Variants in KCNMB2 observed in about 807,000 individuals in gnomAD.
KCNMB2 encodes potassium calcium-activated channel subfamily M regulatory beta subunit 2, also known as calcium-activated potassium channel subunit beta-2.
In KCNMB2, 9 loss-of-function variants were observed where a neutral mutation model predicts 24.5. The ratio of observed to expected loss-of-function variants is 0.37; its 90% CI spans 0.22 to 0.64. The LOEUF (loss-of-function observed/expected upper bound fraction) is 0.64, where lower values mean the gene tolerates loss of function less well. KCNMB2 is among the 30% of genes least tolerant of loss of function. The pLI is 0.63. For synonymous variants in KCNMB2, 109 were observed against 104.4 expected (o/e 1.04, Z -0.27); for missense variants, 226 against 284.3 (o/e 0.79, Z 1.47).
chr3:178,551,612 T>C (rs1000706105), intron 1 of KCNMB2, among the ~76,000 whole-genome samples: 7 of 152,246 alleles, frequency 4.6e-5, no homozygotes, highest in Non-Finnish European at 1.0e-4. Flanking sequence ...ATCCACAATG[T>C]TGCACAACAT....
chr3:178,759,662 G>GA (rs1711628515), intron 1 of KCNMB2, among the ~76,000 whole-genome samples: 5 of 62,834 alleles, frequency 8.0e-5, no homozygotes, highest in Non-Finnish European at 1.6e-4. Context: ...TCTCCAAGAG[G>GA]GATATATATA....
chr3:178,781,659 G>A lies in KCNMB2; in HGVS notation c.-67-25684G>A, dbSNP rs183245182. ...TATGTATATAGTAAGCAAAGGTTTG[G>A]TGACTGCTGGGATCTGGGATGAGGG... On this transcript the variant is annotated intron_variant, in intron 1 of 4. Coordinates refer to ENST00000452583, the MANE Select transcript of KCNMB2 (RefSeq NM_181361.3). Among the ~76,000 whole-genome samples, 357 of 151,768 alleles carry A rather than the reference G, an allele frequency of 2.4e-3. 3 individuals are homozygous for A. Among genetic ancestry groups the A allele is most frequent in the Non-Finnish European group, 4.2e-3 (288 of 67,938 alleles).
intron 1 of KCNMB2, among the ~76,000 whole-genome samples, chr3:178,600,804 G>A (rs1718055135): frequency 6.6e-6 from 1 of 152,028 alleles, no homozygotes; most frequent in Admixed American, 6.6e-5. Flanking sequence ...TAACCCTTTG[G>A]GTATATACCC....
chr3:178,818,443 C>A (rs924954187), intron 2 of KCNMB2, among the ~76,000 whole-genome samples: 1 of 152,158 alleles, frequency 6.6e-6, no homozygotes, highest in Non-Finnish European at 1.5e-5. Context: ...TCCCCCAACA[C>A]GCCCCAGTAA....
At position 178,586,336 on chromosome 3, in the gene KCNMB2, A is replaced by G. The variant is rs185626776; in HGVS notation, c.-68+49625A>G. Among the ~76,000 whole-genome samples, 9 of 152,300 alleles carry G rather than the reference A, an allele frequency of 5.9e-5. No homozygotes were observed. The East Asian group carries it at 9.6e-4, about 16-fold the overall frequency. ...GTGATATGCCACTGGACAGGAAAAA[A>G]AAAGAAACAAGTAATTGTGGTAACA... On this transcript the variant is annotated intron_variant, in intron 1 of 4. Coordinates refer to ENST00000452583, the MANE Select transcript of KCNMB2 (RefSeq NM_181361.3).
intron 1 of KCNMB2, among the ~76,000 whole-genome samples, chr3:178,695,609 G>T (rs1721847582): frequency 6.6e-6 from 1 of 152,090 alleles, no homozygotes; most frequent in African/African-American, 2.4e-5. Context: ...AAATCCACCA[G>T]TCTCTTTGCT....
intron 1 of KCNMB2, among the ~76,000 whole-genome samples, chr3:178,620,189 T>C (rs1047352241): frequency 1.3e-5 from 2 of 152,176 alleles, no homozygotes; most frequent in South Asian, 4.1e-4. Context: ...GGACTTGTTA[T>C]GAACATACGA....
At position 178,844,419 on chromosome 3, in the gene KCNMB2, A is replaced by ATTT. The variant is rs1560044425; in HGVS notation, c.*1482_*1483insTTT. ...TCAAATGTGTAATTAAATTTTTTTAAAAAAAATCTATTAAATTGCAAGATT... is the reference window on the plus strand; with the variant it reads ...TCAAATGTGTAATTAAATTTTTTTAATTTAAAAAATCTATTAAATTGCAAGATT... On this transcript the variant is annotated 3_prime_UTR_variant, in exon 5 of 5. Transcript: ENST00000452583. 5.3e-5 allele frequency: 8 copies of ATTT among 151,906 alleles called. No homozygotes were observed. Among genetic ancestry groups the ATTT allele is most frequent in the South Asian group, 2.1e-4 (1 of 4,818 alleles). 9.4% of individuals were successfully genotyped at this position (151,906 alleles called of 1,614,324 possible).
intron 1 of KCNMB2, among the ~76,000 whole-genome samples, chr3:178,695,153 C>A (rs908195658): frequency 1.3e-5 from 2 of 152,256 alleles, no homozygotes; most frequent in Admixed American, 6.5e-5. Context: ...GGGGTTTGCA[C>A]CCTCTGAAGC....
chr3:178,709,553 A>G (rs1333379828), intron 1 of KCNMB2, among the ~76,000 whole-genome samples: 1 of 152,198 alleles, frequency 6.6e-6, no homozygotes, highest in Non-Finnish European at 1.5e-5. Flanking sequence ...TGTTTTATAT[A>G]CAGTACGATT....
chr3:178,595,746 T>C (rs1410156852), intron 1 of KCNMB2, among the ~76,000 whole-genome samples: 1 of 152,156 alleles, frequency 6.6e-6, no homozygotes, highest in Non-Finnish European at 1.5e-5. Flanking sequence ...ACCTCTTTCC[T>C]TTATAAATTA....
intron 1 of KCNMB2, among the ~76,000 whole-genome samples, chr3:178,652,374 G>A (rs1720155208): frequency 6.6e-6 from 1 of 151,984 alleles, no homozygotes; most frequent in African/African-American, 2.4e-5. Flanking sequence ...GTAGGTGACA[G>A]GTTGATGGGT....
chr3:178,554,407 A>G (rs1046923960), intron 1 of KCNMB2, among the ~76,000 whole-genome samples: 5 of 152,244 alleles, frequency 3.3e-5, no homozygotes, highest in Non-Finnish European at 4.4e-5. Context: ...GCCTATTGTC[A>G]TCTGGTGTTA....
chr3:178,546,830 T>C (rs1715790209), intron 1 of KCNMB2, among the ~76,000 whole-genome samples: 1 of 152,190 alleles, frequency 6.6e-6, no homozygotes, highest in Non-Finnish European at 1.5e-5. Flanking sequence ...TGCAGTGTTG[T>C]GATCAAAATG....
chr3:178,655,486 C>T (rs1720300694), intron 1 of KCNMB2, among the ~76,000 whole-genome samples: 1 of 152,088 alleles, frequency 6.6e-6, no homozygotes. Flanking sequence ...AAAGAGAAAG[C>T]TTTTAGGGTA....
At chr3:178,628,092 A>C (rs551124907) in intron 1 of KCNMB2, among the ~76,000 whole-genome samples, 1 of 152,324 alleles carries the variant, frequency 6.6e-6, no homozygotes, top group Non-Finnish European at 1.5e-5. Context: ...CAGTTTCAAA[A>C]TATACTCATA....
intron 1 of KCNMB2, among the ~76,000 whole-genome samples, chr3:178,585,911 G>A (rs577476150): frequency 2.6e-5 from 4 of 152,278 alleles, no homozygotes; most frequent in South Asian, 2.1e-4. Context: ...ATTAATGTTC[G>A]CACACTGCCA....
At chr3:178,810,182 T>C (rs1381112895) in intron 2 of KCNMB2, among the ~76,000 whole-genome samples, 2 of 152,332 alleles carry the variant, frequency 1.3e-5, no homozygotes, top group Non-Finnish European at 2.9e-5. Context: ...TGATAATTAA[T>C]CTACATAATT....
At chr3:178,674,110 T>A (rs1002206040) in intron 1 of KCNMB2, among the ~76,000 whole-genome samples, 2 of 152,118 alleles carry the variant, frequency 1.3e-5, no homozygotes, top group Non-Finnish European at 2.9e-5. Context: ...CAGAATGCCA[T>A]GATCTTCTGA....
Sources: gnomAD v4.1 joint callset for allele counts (sites outside exome capture counted in the v4.1 genomes callset) on GRCh38, gnomAD v4.1.1 for gene constraint, MANE v1.5 for transcripts, NCBI Gene and HGNC (gene_info 2026-07-23, HGNC 2026-07-21) for gene names.